Variants in ADAM9 observed in about 807,000 individuals in gnomAD.
ADAM9 encodes ADAM metallopeptidase domain 9, also known as disintegrin and metalloproteinase domain-containing protein 9.
In ADAM9, 54 loss-of-function variants were observed where a neutral mutation model predicts 108.1. The observed-to-expected ratio is 0.50, with a 90% CI of 0.40 to 0.63. The LOEUF (loss-of-function observed/expected upper bound fraction) is 0.63, where lower values mean the gene tolerates loss of function less well. Ranked by LOEUF, ADAM9 falls within the 20% of genes least tolerant of loss-of-function variation. The pLI, the probability that ADAM9 is intolerant of heterozygous loss-of-function variation, is 0.00. For missense variants in ADAM9, 830 were observed against 997.7 expected, an observed-to-expected ratio of 0.83 and a Z score of 2.26; for synonymous variants, 316 against 336.0, an observed-to-expected ratio of 0.94 and a Z score of 0.65.
chr8:39,059,199 A>G (rs1838218707), intron 14 of ADAM9, among the ~76,000 whole-genome samples: 1 of 152,252 alleles, frequency 6.6e-6, no homozygotes, highest in Non-Finnish European at 1.5e-5. Flanking sequence ...CACAGAAGGT[A>G]GTTTTGGTAG....
At position 39,103,624 on chromosome 8, in the gene ADAM9, C is replaced by T. The variant is rs760315157; in HGVS notation, c.2384C>T (p.Pro795Leu). ...CCTCGCAGGCCACCTCCACCACAAC[C>T]GAAAGTATCATCTCAGGGAAACTTA... Reference protein sequence around the residue: ...QFPSRPPPPQPKVSSQGNLIP... With the variant: ...QFPSRPPPPQLKVSSQGNLIP... Residue 795 changes from proline (P) to leucine (L), a missense_variant, in exon 22 of 22, where the codon CCG (proline) becomes CTG (leucine). Coordinates refer to ENST00000487273, the MANE Select transcript of ADAM9 (RefSeq NM_003816.3). The T allele has an allele frequency of 8.1e-6, 13 of 1,613,886 alleles. No individual in the cohort carries two copies. Among genetic ancestry groups the T allele is most frequent in the South Asian group, 7.7e-5 (7 of 91,080 alleles).
intron 7 of ADAM9, among the ~76,000 whole-genome samples, chr8:39,020,243 C>G (rs993168298): frequency 6.6e-6 from 1 of 152,112 alleles, no homozygotes; most frequent in Non-Finnish European, 1.5e-5. Context: ...CAGAGGGAGA[C>G]TTCATCTCAA....
At chr8:39,058,306 G>A (rs913206995) in intron 14 of ADAM9, among the ~76,000 whole-genome samples, 4 of 152,134 alleles carry the variant, frequency 2.6e-5, no homozygotes, top group African/African-American at 9.7e-5. Context: ...CTGGTCATGT[G>A]GTTGTAGCTG....
At position 39,091,686 on chromosome 8, in the gene ADAM9, C is replaced by T. The variant is rs181888131; in HGVS notation, c.2298+340C>T. ...ATTTTTCATAGAGACGGGGTCTCAC[C>T]GCATTGGCCAGGCTGGTCTTGAACT... On this transcript the variant is annotated intron_variant, in intron 20 of 21. Transcript: ENST00000487273. Among the ~76,000 whole-genome samples the T allele has an allele frequency of 1.1e-4, 16 of 152,172 alleles. No individual in the cohort carries two copies. The East Asian group carries it at 1.7e-3, about 17-fold the overall frequency.
At chr8:39,094,260 C>A (rs562939256) in intron 20 of ADAM9, among the ~76,000 whole-genome samples, 2 of 152,306 alleles carry the variant, frequency 1.3e-5, no homozygotes, top group African/African-American at 4.8e-5. Context: ...ATCCTCGCAT[C>A]CCCAGAATAA....
intron 12 of ADAM9, among the ~76,000 whole-genome samples, chr8:39,044,843 G>T (rs940106416): frequency 6.6e-6 from 1 of 151,470 alleles, no homozygotes; most frequent in Admixed American, 6.6e-5. Context: ...AGTATTCCGT[G>T]GGGTGTGTGT....
chr8:39,017,366 T>C lies in ADAM9; in HGVS notation c.558T>C (p.Thr186=), dbSNP rs2129433187. ...CCAACAAGGATATAGAGAAAGAAAC[T>C]GCAAAGGATGAAGAGGAAGAGCCTC... ...GVSNKDIEKE[T]AKDEEEEPPS... The change falls in exon 6 of 22, where the codon ACT becomes ACC. Residue 186 remains threonine (T), a synonymous_variant. Coordinates refer to ENST00000487273, the MANE Select transcript of ADAM9 (RefSeq NM_003816.3). 2 of 1,614,086 alleles carry C rather than the reference T, an allele frequency of 1.2e-6. No homozygotes were observed. Among genetic ancestry groups the C allele is most frequent in the Non-Finnish European group, 1.7e-6 (2 of 1,180,012 alleles).
chr8:39,083,401 G>A (rs1352729563), intron 18 of ADAM9, among the ~76,000 whole-genome samples: 1 of 152,134 alleles, frequency 6.6e-6, no homozygotes, highest in Non-Finnish European at 1.5e-5. Context: ...TTAATTCAGT[G>A]CGTCTGCATT....
In ADAM9 at chr8:39,026,651, A is replaced by G. The variant is rs757956422; in HGVS notation, c.997-26A>G. On this transcript the variant is annotated intron_variant, in intron 10 of 21. Coordinates refer to ENST00000487273, the MANE Select transcript of ADAM9 (RefSeq NM_003816.3). Reference sequence around the variant, plus strand: ...ACATTTTCTTTGCGTTCAGAAACCTAATTACTACCTTCCTGTTCTGAACAG... The same window carrying G: ...ACATTTTCTTTGCGTTCAGAAACCTGATTACTACCTTCCTGTTCTGAACAG... 39 of 1,613,916 alleles carry G rather than the reference A, an allele frequency of 2.4e-5. No homozygotes were observed. In the African/African-American group the frequency reaches 4.3e-4, roughly 18 times the overall value.
At chr8:39,050,229 T>C (rs1246995637) in intron 12 of ADAM9, among the ~76,000 whole-genome samples, 2 of 152,214 alleles carry the variant, frequency 1.3e-5, no homozygotes, top group Non-Finnish European at 2.9e-5. Context: ...TAATGTTTCT[T>C]GGTGTTGATT....
In ADAM9 at chr8:39,092,428, C is replaced by T. The variant is rs369635812; in HGVS notation, c.2298+1082C>T. Among the ~76,000 whole-genome samples, 4 of 151,924 alleles carry T rather than the reference C, an allele frequency of 2.6e-5. No homozygotes were observed. In the East Asian group the frequency reaches 5.8e-4, roughly 22 times the overall value. ...TCGTTAGGCCCTTTCTCCTCTTAAC[C>T]ATGTATCTTGGAGATTTTTCCATGT... On this transcript the variant is annotated intron_variant, in intron 20 of 21. Coordinates refer to ENST00000487273, the MANE Select transcript of ADAM9 (RefSeq NM_003816.3).
intron 12 of ADAM9, among the ~76,000 whole-genome samples, chr8:39,048,576 T>C (rs1021905734): frequency 1.3e-5 from 2 of 152,178 alleles, no homozygotes; most frequent in African/African-American, 4.8e-5. Context: ...TCTGTATATG[T>C]CTATTAGTTT....
chr8:39,006,504 G>A (rs1362613135), intron 1 of ADAM9, among the ~76,000 whole-genome samples: 3 of 150,362 alleles, frequency 2.0e-5, no homozygotes, highest in Non-Finnish European at 4.4e-5. Flanking sequence ...ATATAGATTG[G>A]ATCAAAGGAG....
chr8:39,078,871 G>C (rs902866190), intron 16 of ADAM9, among the ~76,000 whole-genome samples: 1 of 152,128 alleles, frequency 6.6e-6, no homozygotes, highest in East Asian at 1.9e-4. Context: ...ATTTTTGATA[G>C]ATAAGAATTC....
chr8:39,092,016 A>G (rs1297046833), intron 20 of ADAM9, among the ~76,000 whole-genome samples: 3 of 152,122 alleles, frequency 2.0e-5, no homozygotes, highest in African/African-American at 7.2e-5. Context: ...GATCGGCCTA[A>G]TTGTCTAAGC....
chr8:39,096,354 C>G (rs1435784701), intron 20 of ADAM9, among the ~76,000 whole-genome samples: 1 of 125,962 alleles, frequency 7.9e-6, no homozygotes, highest in African/African-American at 2.5e-5. Context: ...ATTGTGATAT[C>G]TTTGCAATTA....
chr8:39,028,517 TAA>T (rs1366973397), intron 11 of ADAM9, among the ~76,000 whole-genome samples: 1 of 152,114 alleles, frequency 6.6e-6, no homozygotes, highest in African/African-American at 2.4e-5. Flanking sequence ...AGCAATGAGA[TAA>T]GTCATAGATT....
chr8:39,032,908 T>G (rs1053631805), intron 11 of ADAM9, among the ~76,000 whole-genome samples: 2 of 152,232 alleles, frequency 1.3e-5, no homozygotes, highest in Non-Finnish European at 2.9e-5. Flanking sequence ...TTGGCTATTC[T>G]GGGTCTTTTG....
At chr8:39,066,928 A>T (rs1454523793) in intron 14 of ADAM9, among the ~76,000 whole-genome samples, 2 of 152,176 alleles carry the variant, frequency 1.3e-5, no homozygotes, top group African/African-American at 4.8e-5. Flanking sequence ...TAATTTTTGT[A>T]TAAGGTGTAA....
Sources: gnomAD v4.1 joint callset for allele counts (sites outside exome capture counted in the v4.1 genomes callset) on GRCh38, gnomAD v4.1.1 for gene constraint, MANE v1.5 for transcripts, NCBI Gene and HGNC (gene_info 2026-07-23, HGNC 2026-07-21) for gene names.